The following ADGRL3 variants were observed in gnomAD, a reference collection of about 807,000 sequenced individuals.
The protein encoded by ADGRL3 is adhesion G protein-coupled receptor L3.
Under a neutral mutation model 153.5 loss-of-function variants are expected in ADGRL3, and 62 were observed. The ratio of observed to expected loss-of-function variants is 0.40; its 90% CI spans 0.33 to 0.50. The LOEUF (loss-of-function observed/expected upper bound fraction) is 0.50. Among genes scored for constraint, ADGRL3 ranks in the 20% least tolerant of loss-of-function variants. The pLI is 0.47. For synonymous variants in ADGRL3, 710 were observed against 672.5 expected (o/e 1.06, Z -0.86); for missense variants, 1,641 against 1,859.4 (o/e 0.88, Z 2.16).
At chr4:61,980,393 C>G (rs2099064001) in intron 18 of ADGRL3, among the ~76,000 whole-genome samples, 1 of 135,394 alleles carries the variant, frequency 7.4e-6, no homozygotes, top group African/African-American at 2.7e-5. Context: ...TAGTAAGTAG[C>G]TTTTCCAGAT....
At chr4:61,934,181 T>C (rs1174968016) in intron 13 of ADGRL3, among the ~76,000 whole-genome samples, 4 of 152,192 alleles carry the variant, frequency 2.6e-5, no homozygotes, top group Admixed American at 2.0e-4. Context: ...ATAAAACACC[T>C]GAGGACCATA....
chr4:61,871,085 T>C (rs934255099), intron 9 of ADGRL3, among the ~76,000 whole-genome samples: 5 of 151,812 alleles, frequency 3.3e-5, no homozygotes, highest in South Asian at 2.1e-4. Context: ...GAGACCATCC[T>C]GGCTAACACG....
intron 17 of ADGRL3, among the ~76,000 whole-genome samples, chr4:61,956,429 G>T (rs878897978): frequency 1.3e-5 from 2 of 152,072 alleles, no homozygotes; most frequent in African/African-American, 4.8e-5. Flanking sequence ...GTAAATTCTG[G>T]ATATTTGACT....
intron 21 of ADGRL3, among the ~76,000 whole-genome samples, chr4:62,000,116 A>G: frequency 6.6e-6 from 1 of 151,930 alleles, no homozygotes; most frequent in East Asian, 1.9e-4. Context: ...ATAAAATAAA[A>G]CATAAGTAAT....
In ADGRL3 at chr4:61,278,680, T is replaced by C. The variant is rs921340694; in HGVS notation, c.-240+76915T>C. Among the ~76,000 whole-genome samples, 20 of 152,044 alleles carry C rather than the reference T, an allele frequency of 1.3e-4. 1 individual carries two copies. Among genetic ancestry groups the C allele is most frequent in the Admixed American group, 1.2e-3 (19 of 15,252 alleles). On this transcript the variant is annotated intron_variant, in intron 1 of 26. Transcript: ENST00000683033. Reference sequence around the variant, plus strand: ...CATCATGCCCACTAATTTTTTTGTATATTTATCAGAGAATGGAGTTTCACC... The same window carrying C: ...CATCATGCCCACTAATTTTTTTGTACATTTATCAGAGAATGGAGTTTCACC...
chr4:61,454,684 G>A (rs890571245), intron 2 of ADGRL3, among the ~76,000 whole-genome samples: 6 of 151,162 alleles, frequency 4.0e-5, no homozygotes, highest in African/African-American at 1.5e-4. Flanking sequence ...AATATTACAT[G>A]ATATATATAT....
chr4:61,604,474 A>G (rs912249073), intron 5 of ADGRL3, among the ~76,000 whole-genome samples: 4 of 152,240 alleles, frequency 2.6e-5, no homozygotes, highest in African/African-American at 9.6e-5. Context: ...AATGAATCGC[A>G]TGTTAAAATT....
chr4:61,801,888 G>T (rs1395553402), intron 8 of ADGRL3, among the ~76,000 whole-genome samples: 1 of 152,066 alleles, frequency 6.6e-6, no homozygotes, highest in African/African-American at 2.4e-5. Context: ...CATGTTCTCT[G>T]CATATATGTA....
rs184587636 is a variant in ADGRL3 at position 61,410,703 on chromosome 4, A to G, written c.-174+27514A>G. On this transcript the variant is annotated intron_variant, in intron 2 of 26. Coordinates refer to ENST00000683033, the MANE Select transcript of ADGRL3 (RefSeq NM_001387552.1). The stretch of plus-strand genomic sequence containing the variant: ...CCTGGACATACTCAGTATATCCTGG[A>G]TCAGGGTTGAGTGAGAAACCTTTGC... 7.9e-4 allele frequency among the ~76,000 whole-genome samples: 121 copies of G among 152,250 alleles called. 2 individuals are homozygous for G. In the Middle Eastern group the frequency reaches 0.014, roughly 17 times the overall value.
intron 1 of ADGRL3, among the ~76,000 whole-genome samples, chr4:61,307,268 A>G (rs891122806): frequency 5.3e-5 from 8 of 152,208 alleles, no homozygotes; most frequent in Non-Finnish European, 1.2e-4. Flanking sequence ...CTACATGATT[A>G]TGACAATATC....
At chr4:61,745,360 G>A (rs184416928) in intron 8 of ADGRL3, among the ~76,000 whole-genome samples, 3,949 of 152,030 alleles carry the variant, frequency 0.026, 63 homozygotes, top group East Asian at 0.098. Flanking sequence ...TACAGAGAAT[G>A]CCACAAAGAT....
At chr4:61,868,963 A>G (rs893093012) in intron 9 of ADGRL3, among the ~76,000 whole-genome samples, 2 of 152,136 alleles carry the variant, frequency 1.3e-5, no homozygotes, top group East Asian at 1.9e-4. Flanking sequence ...CAGGGTCTCT[A>G]TATGCCACCA....
At chr4:61,291,605 C>T (rs113940439) in intron 1 of ADGRL3, among the ~76,000 whole-genome samples, 89 of 8,016 alleles carry the variant, frequency 0.011, no homozygotes, top group East Asian at 0.1. Flanking sequence ...TATATATATA[C>T]ACACACATAT....
At chr4:61,598,367 C>T (rs562053632) in intron 5 of ADGRL3, among the ~76,000 whole-genome samples, 15 of 151,914 alleles carry the variant, frequency 9.9e-5, no homozygotes, top group Non-Finnish European at 1.6e-4. Flanking sequence ...CATGAGTGAA[C>T]GTGAAGGAAA....
chr4:61,249,488 A>T (rs994726294), intron 1 of ADGRL3, among the ~76,000 whole-genome samples: 6 of 152,072 alleles, frequency 3.9e-5, no homozygotes, highest in Non-Finnish European at 5.9e-5. Flanking sequence ...GGATCACCTC[A>T]CATTAAAGAT....
At chr4:61,481,629 C>T (rs1452350183) in intron 2 of ADGRL3, among the ~76,000 whole-genome samples, 1 of 149,694 alleles carries the variant, frequency 6.7e-6, no homozygotes, top group South Asian at 2.1e-4. Context: ...TTTTTTTTGT[C>T]GAGACCACAT....
chr4:61,310,622 C>T (rs962731384), intron 1 of ADGRL3, among the ~76,000 whole-genome samples: 1 of 151,986 alleles, frequency 6.6e-6, no homozygotes, highest in Non-Finnish European at 1.5e-5. Context: ...AGATCAAATC[C>T]AAAATCCTTT....
At chr4:61,554,169 G>C (rs200517198) in intron 4 of ADGRL3, among the ~76,000 whole-genome samples, 1 of 138,766 alleles carries the variant, frequency 7.2e-6, no homozygotes, top group Non-Finnish European at 1.5e-5. Flanking sequence ...CCTAACTTAG[G>C]TATTTTATTT....
chr4:61,363,891 A>G (rs1416419215), intron 1 of ADGRL3, among the ~76,000 whole-genome samples: 1 of 152,184 alleles, frequency 6.6e-6, no homozygotes, highest in African/African-American at 2.4e-5. Context: ...GTAATCGAGC[A>G]GCCTGTGTCC....
Sources: allele counts gnomAD v4.1 joint callset (sites outside exome capture counted in the v4.1 genomes callset), GRCh38; gene constraint gnomAD v4.1.1; transcripts MANE v1.5; gene names NCBI Gene and HGNC (gene_info 2026-07-23, HGNC 2026-07-21).